The following COL6A2 variants were observed in gnomAD, a reference collection of about 807,000 sequenced individuals.
The protein encoded by COL6A2 is collagen type VI alpha 2 chain, also known as collagen alpha-2(VI) chain.
Under a neutral mutation model 124.9 loss-of-function variants are expected in COL6A2, and 90 were observed. That is an observed-to-expected ratio of 0.72 (90% CI 0.61 to 0.86). The LOEUF (loss-of-function observed/expected upper bound fraction) is 0.86, where lower values mean the gene tolerates loss of function less well. Ranked by LOEUF, COL6A2 falls within the 40% of genes least tolerant of loss-of-function variation. COL6A2 has a pLI of 0.00. For synonymous variants in COL6A2, 793 were observed against 618.2 expected, an observed-to-expected ratio of 1.28 and a Z score of -4.19; for missense variants, 1,607 against 1,502.5, an observed-to-expected ratio of 1.07 and a Z score of -1.15.
At chr21:46,113,275 C>G (rs2078429345) in intron 4 of COL6A2, among the ~76,000 whole-genome samples, 1 of 152,218 alleles carries the variant, frequency 6.6e-6, no homozygotes, top group South Asian at 2.1e-4. Context: ...CGTGCCCTGC[C>G]TCAGAATCGC....
chr21:46,098,253 G>A, intron 1 of COL6A2, 80 bp downstream of exon 1: 1 of 152,526 alleles, frequency 6.6e-6, no homozygotes, highest in Non-Finnish European at 1.5e-5. Context: ...AGGCGGCGGC[G>A]GCGGCTCCGT....
intron 27 of COL6A2, chr21:46,129,299 A>AC (rs1568944425): frequency 1.9e-6 from 3 of 1,612,918 alleles, no homozygotes; most frequent in Non-Finnish European, 2.5e-6. Flanking sequence ...AACAGTTGCT[A>AC]AACGCCACGG....
intron 3 of COL6A2, 82 bp downstream of exon 3, chr21:46,112,659 C>A: frequency 6.3e-7 from 1 of 1,593,352 alleles, no homozygotes; most frequent in Admixed American, 1.7e-5. Flanking sequence ...TCACTTTACC[C>A]CTCTGTGAGT....
At chr21:46,128,259 T>C (rs916696403) in intron 27 of COL6A2, among the ~76,000 whole-genome samples, 5 of 152,064 alleles carry the variant, frequency 3.3e-5, no homozygotes, top group Non-Finnish European at 7.4e-5. Flanking sequence ...TGACAGTGAG[T>C]GGGAGCAGCC....
intron 1 of COL6A2, among the ~76,000 whole-genome samples, chr21:46,098,608 C>T (rs2078252475): frequency 6.6e-6 from 1 of 150,884 alleles, no homozygotes; most frequent in African/African-American, 2.4e-5. Flanking sequence ...CTGGGACCTC[C>T]GGGGGCGCAG....
At position 46,131,059 on chromosome 21, in the gene COL6A2, G is replaced by A. The variant is rs546399337; in HGVS notation, c.2462-895G>A. Among the ~76,000 whole-genome samples, 217 of 152,292 alleles carry A rather than the reference G, an allele frequency of 1.4e-3. No homozygotes were observed. In the South Asian group the frequency reaches 0.021, roughly 15 times the overall value. On this transcript the variant is annotated intron_variant, in intron 27 of 27. Coordinates refer to ENST00000300527, the MANE Select transcript of COL6A2 (RefSeq NM_001849.4). The stretch of plus-strand genomic sequence containing the variant: ...GTCAGGGTCCTCTGTGTGCATTCCT[G>A]GGGGTCCATGTACCAGCTGTGACGA...
chr21:46,116,767 C>T lies in COL6A2; in HGVS notation c.955-3C>T, dbSNP rs1208931749. 1.9e-6 allele frequency: 3 copies of T among 1,613,092 alleles called. No individual in the cohort carries two copies. In the South Asian group the frequency reaches 3.3e-5, roughly 18 times the overall value. ...TGGAGTTCCCTCTTCCTTCTCTCTT[C>T]AGGGGGCCCCTGGCCTGGCTGGCAA... On this transcript the variant is annotated splice_polypyrimidine_tract_variant and splice_region_variant and intron_variant, in intron 9 of 27. Coordinates refer to ENST00000300527, the MANE Select transcript of COL6A2 (RefSeq NM_001849.4). The surrounding 1 kb of genome is among the most constrained non-coding windows in gnomAD (Gnocchi z 4.6).
rs2078667569 is a variant in COL6A2 at position 46,126,344 on chromosome 21, A to C, written c.2422+107A>C. On this transcript the variant is annotated intron_variant, in intron 26 of 27. Coordinates refer to ENST00000300527, the MANE Select transcript of COL6A2 (RefSeq NM_001849.4). ...CACCTGAGGGATGAATGTGCAGCCC[A>C]GGATCTTGGGCTGTGGGTGGGAAGG... is the stretch of plus-strand genomic sequence containing the variant. 4.0e-6 allele frequency: 6 copies of C among 1,517,986 alleles called. No individual in the cohort carries two copies. The African/African-American group carries it at 6.8e-5, about 17-fold the overall frequency. 94.0% of individuals were successfully genotyped at this position (1,517,986 alleles called of 1,614,324 possible).
At chr21:46,111,820 C>T (rs2078402869) in intron 2 of COL6A2, among the ~76,000 whole-genome samples, 159 bp from the exon 3 acceptor site, 1 of 62,456 alleles carries the variant, frequency 1.6e-5, no homozygotes, top group Non-Finnish European at 3.2e-5. Flanking sequence ...ATTTGGGGGG[C>T]AGTTGGGACC....
intron 14 of COL6A2, among the ~76,000 whole-genome samples, 189 bp downstream of exon 14, chr21:46,119,308 G>C (rs1195379016): frequency 6.6e-6 from 1 of 152,172 alleles, no homozygotes; most frequent in Non-Finnish European, 1.5e-5. Context: ...TGGACTTAGA[G>C]GTAAAGCCCA....
At position 46,099,889 on chromosome 21, in the gene COL6A2, CTTTTTT is replaced by C. The variant is rs869028897; in HGVS notation, c.-28+1734_-28+1739del. Among the ~76,000 whole-genome samples the C allele has an allele frequency of 2.8e-3, 255 of 91,848 alleles. 2 individuals are homozygous for C. Among genetic ancestry groups the C allele is most frequent in the African/African-American group, 9.1e-3 (237 of 26,056 alleles). The allele number at this position is 91,848 out of a possible 152,430, so 60.3% of individuals were successfully genotyped here. On this transcript the variant is annotated intron_variant, in intron 1 of 27. Transcript: ENST00000300527. ...TCTCCACAATGGATAGCAGCACTGT[CTTTTTT>C]TTTTTTTTTTTTTTTTTCTCATTTC...
At chr21:46,121,701 C>A in intron 18 of COL6A2, 83 bp downstream of exon 18, 2 of 1,409,824 alleles carry the variant, frequency 1.4e-6, no homozygotes, top group Non-Finnish European at 2.0e-6. Flanking sequence ...GCCTGGGGGA[C>A]CCTGTTGCCG....
chr21:46,125,402 TG>T, intron 24 of COL6A2, 62 bp from the exon 25 acceptor site: 1 of 1,607,642 alleles, frequency 6.2e-7, no homozygotes, highest in Non-Finnish European at 8.5e-7. Context: ...GTCCTGCATG[TG>T]CACGTGACCC....
intron 21 of COL6A2, among the ~76,000 whole-genome samples, chr21:46,124,185 G>A (rs1045264289): frequency 2.7e-5 from 4 of 150,504 alleles, no homozygotes; most frequent in Non-Finnish European, 1.5e-5. Context: ...AGGATGGGTG[G>A]ATGAATGGAT....
At position 46,129,476 on chromosome 21, in the gene COL6A2, G is replaced by A. The variant is rs143713613; in HGVS notation, c.2462-2478G>A. On this transcript the variant is annotated intron_variant, in intron 27 of 27. Coordinates refer to ENST00000300527, the MANE Select transcript of COL6A2 (RefSeq NM_001849.4). ...ACATCGTGGGGGACCCCGAGACCGC[G>A]CTGGCCCTCTGCTAAAGCCCGGGCA... The A allele has an allele frequency of 5.6e-4, 894 of 1,588,972 alleles. 1 individual carries two copies. Among genetic ancestry groups the A allele is most frequent in the East Asian group, 5.6e-3 (250 of 44,452 alleles).
In COL6A2 at chr21:46,121,628, C is replaced by G. The variant is rs753385303; in HGVS notation, c.1521+10C>G. The G allele has an allele frequency of 1.9e-6, 3 of 1,612,460 alleles. No individual in the cohort carries two copies. The highest frequency in any genetic ancestry group is 2.5e-6 in the Non-Finnish European group (3 of 1,179,802). Reference sequence around the variant, plus strand: ...ACAGCCAGGCCCCAAGGTACGTGCCCCTCCCCCAGCAGGACGTATTAGGGG... The same window carrying G: ...ACAGCCAGGCCCCAAGGTACGTGCCGCTCCCCCAGCAGGACGTATTAGGGG... On this transcript the variant is annotated intron_variant, in intron 18 of 27. Transcript: ENST00000300527.
chr21:46,120,140 T>G lies in COL6A2; in HGVS notation c.1332+290T>G, dbSNP rs113862910. 0.087 allele frequency among the ~76,000 whole-genome samples: 6,419 copies of G among 74,018 alleles called. 202 individuals are homozygous for G. The highest frequency in any genetic ancestry group is 0.21 in the Middle Eastern group (27 of 128). 48.6% of individuals were successfully genotyped at this position (74,018 alleles called of 152,430 possible). ...ACCCCCCGGCCCCCACTGAGGCACC[T>G]CTTACCCCCAGCCCACTGAGGCATT... On this transcript the variant is annotated intron_variant, in intron 15 of 27. Coordinates refer to ENST00000300527, the MANE Select transcript of COL6A2 (RefSeq NM_001849.4).
rs2078467450 is a variant in COL6A2, at chr21:46,116,159, A to C, written c.900+106A>C. The C allele has an allele frequency of 7.9e-7, 1 of 1,260,344 alleles. No homozygotes were observed. Among genetic ancestry groups the C allele is most frequent in the Non-Finnish European group, 1.1e-6 (1 of 890,144 alleles). The allele number at this position is 1,260,344 out of a possible 1,614,324, so 78.1% of individuals were successfully genotyped here. ...CCTCAGCCTCTACGACCCTCCCCCC[A>C]GTTACCAAGGAACAGAAGCACCTCG... On this transcript the variant is annotated intron_variant, in intron 7 of 27. Transcript: ENST00000300527. This position sits in a 1 kb window ranked among gnomAD's most constrained non-coding sequence, Gnocchi z 4.6.
In COL6A2 at chr21:46,119,027, C is replaced by CT. The variant is rs2078520206; in HGVS notation, c.1180-3_1180-2insT. 1 of 1,608,484 alleles carries CT rather than the reference C, an allele frequency of 6.2e-7. No individual in the cohort carries two copies. Among genetic ancestry groups the CT allele is most frequent in the Non-Finnish European group, 8.5e-7 (1 of 1,176,120 alleles). ...GTGACTGTGCTGTCCTCTCCTTCTT[C>CT]AGGGGTATCAAGGCAACAGTGGAGC... On this transcript the variant is annotated splice_polypyrimidine_tract_variant and splice_region_variant and intron_variant, in intron 13 of 27. Transcript: ENST00000300527.
Sources: allele counts gnomAD v4.1 joint callset (sites outside exome capture counted in the v4.1 genomes callset), GRCh38; gene constraint gnomAD v4.1.1; non-coding constraint Gnocchi (gnomAD v3.1); transcripts MANE v1.5; gene names NCBI Gene and HGNC (gene_info 2026-07-23, HGNC 2026-07-21).